Variants in KCNJ4 observed in about 807,000 individuals in gnomAD.
KCNJ4 encodes the protein inward rectifier potassium channel 4.
A neutral mutation model predicts 25.6 loss-of-function variants in KCNJ4; 3 were observed. The observed-to-expected ratio is 0.12, with a 90% CI of 0.05 to 0.30. The LOEUF (loss-of-function observed/expected upper bound fraction) is 0.30, where lower values mean the gene tolerates loss of function less well. Ranked by LOEUF, KCNJ4 falls within the 10% of genes least tolerant of loss-of-function variation. KCNJ4 has a pLI of 1.00. For synonymous variants in KCNJ4, 257 were observed against 283.9 expected (o/e 0.91, Z 0.95); for missense variants, 286 against 666.8 (o/e 0.43, Z 6.29).
At position 38,438,408 on chromosome 22, in the gene KCNJ4, G is replaced by A. The variant is rs535068714; in HGVS notation, c.-39-10237C>T. On this transcript the variant is annotated intron_variant, in intron 1 of 1. Transcript: ENST00000303592. ...CTGTCTCAAAAAAAGAAAGAAAAAG[G>A]GCCTGGTGCGATGGCTCACGCCTGT... 9.3e-4 allele frequency among the ~76,000 whole-genome samples: 140 copies of A among 151,236 alleles called. 1 individual carries two copies. Among genetic ancestry groups the A allele is most frequent in the African/African-American group, 2.0e-3 (82 of 41,160 alleles).
intron 1 of KCNJ4, among the ~76,000 whole-genome samples, chr22:38,445,192 G>A (rs1028572607): frequency 7.9e-5 from 12 of 152,210 alleles, no homozygotes; most frequent in African/African-American, 2.9e-4. Flanking sequence ...AATTTGGCCC[G>A]GCCTGGGATC....
At chr22:38,436,204 A>G (rs1454896586) in intron 1 of KCNJ4, among the ~76,000 whole-genome samples, 1 of 152,244 alleles carries the variant, frequency 6.6e-6, no homozygotes, top group Non-Finnish European at 1.5e-5. Flanking sequence ...AAATGGGATC[A>G]TGCACACCAC....
chr22:38,450,027 G>A (rs533650229), intron 1 of KCNJ4, among the ~76,000 whole-genome samples: 1 of 152,360 alleles, frequency 6.6e-6, no homozygotes, highest in East Asian at 1.9e-4. Flanking sequence ...CAGCTGCAGC[G>A]TCACAAGCAG....
chr22:38,437,076 G>A (rs1236487312), intron 1 of KCNJ4, among the ~76,000 whole-genome samples: 1 of 152,240 alleles, frequency 6.6e-6, no homozygotes, highest in Admixed American at 6.5e-5. Flanking sequence ...CCAAACGCTG[G>A]AGACCAAGCT....
chr22:38,445,266 G>A (rs1364399321), intron 1 of KCNJ4, among the ~76,000 whole-genome samples: 3 of 152,082 alleles, frequency 2.0e-5, no homozygotes, highest in Admixed American at 6.5e-5. Context: ...GTGGTCCACT[G>A]AGCAAGGGAC....
At chr22:38,453,024 C>A (rs1305598570) in intron 1 of KCNJ4, among the ~76,000 whole-genome samples, 1 of 142,104 alleles carries the variant, frequency 7.0e-6, no homozygotes, top group Non-Finnish European at 1.5e-5. Flanking sequence ...CCCCCCTTAG[C>A]ACTCGCCCCC....
At chr22:38,428,733 C>G (rs972648326) in intron 1 of KCNJ4, among the ~76,000 whole-genome samples, 2 of 152,148 alleles carry the variant, frequency 1.3e-5, no homozygotes, top group African/African-American at 4.8e-5. Context: ...TGATCAGGAG[C>G]CACATGTGGT....
At chr22:38,446,594 A>G (rs186926433) in intron 1 of KCNJ4, among the ~76,000 whole-genome samples, 445 of 152,316 alleles carry the variant, frequency 2.9e-3, no homozygotes, top group African/African-American at 9.6e-3. Context: ...AAAGTAGTTC[A>G]TATCAACGAG....
chr22:38,450,885 A>G (rs196092), intron 1 of KCNJ4, among the ~76,000 whole-genome samples: 106,768 of 151,944 alleles, frequency 0.7, 38,335 homozygotes, highest in East Asian at 0.93. Flanking sequence ...CCCCAGCCCC[A>G]GGGAGGAACG....
chr22:38,448,546 T>A (rs1410581925), intron 1 of KCNJ4, among the ~76,000 whole-genome samples: 1 of 152,060 alleles, frequency 6.6e-6, no homozygotes, highest in Admixed American at 6.5e-5. Context: ...ATCTGGGGAT[T>A]TTCTGGGGAG....
chr22:38,450,111 C>T (rs189745288), intron 1 of KCNJ4, among the ~76,000 whole-genome samples: 98 of 152,216 alleles, frequency 6.4e-4, no homozygotes, highest in South Asian at 8.3e-4. Context: ...GCCCACGTAG[C>T]GAGGGGAAGA....
chr22:38,442,742 T>C (rs2089345490), intron 1 of KCNJ4, among the ~76,000 whole-genome samples: 2 of 151,986 alleles, frequency 1.3e-5, no homozygotes, highest in South Asian at 4.2e-4. Flanking sequence ...GCAGAAGCCT[T>C]TCTTTCTTTT....
In KCNJ4 at chr22:38,429,952, G is replaced by A. The variant is rs529299013; in HGVS notation, c.-39-1781C>T. Among the ~76,000 whole-genome samples, 5 of 152,278 alleles carry A rather than the reference G, an allele frequency of 3.3e-5. No individual in the cohort carries two copies. In the South Asian group the frequency reaches 6.2e-4, roughly 19 times the overall value. Reference sequence around the variant, plus strand: ...TCGGTTGCCGCAGCAACCGGTACGCGCCAACGCTATAATTTAGAGATCAAC... The same window carrying A: ...TCGGTTGCCGCAGCAACCGGTACGCACCAACGCTATAATTTAGAGATCAAC... On this transcript the variant is annotated intron_variant, in intron 1 of 1. Coordinates refer to ENST00000303592, the MANE Select transcript of KCNJ4 (RefSeq NM_152868.3).
chr22:38,432,284 T>TAAATAAATAAATAAATAAAA (rs1190324463), intron 1 of KCNJ4, among the ~76,000 whole-genome samples: 3 of 142,106 alleles, frequency 2.1e-5, no homozygotes, highest in African/African-American at 8.3e-5. Flanking sequence ...AATAAATAAA[T>TAAATAAATAAATAAATAAAA]AAAATAAAAT....
intron 1 of KCNJ4, among the ~76,000 whole-genome samples, chr22:38,430,649 C>A (rs972861303): frequency 1.1e-4 from 16 of 152,228 alleles, no homozygotes; most frequent in African/African-American, 3.6e-4. Flanking sequence ...AGCATCCCAG[C>A]AGCCAGGGCT....
intron 1 of KCNJ4, among the ~76,000 whole-genome samples, chr22:38,444,411 G>C (rs1295632882): frequency 6.6e-6 from 1 of 152,348 alleles, no homozygotes; most frequent in Non-Finnish European, 1.5e-5. Flanking sequence ...CAGTGACCAG[G>C]AGACCCTCTG....
chr22:38,448,070 A>AAAAAG (rs1255736655), intron 1 of KCNJ4, among the ~76,000 whole-genome samples: 8 of 150,546 alleles, frequency 5.3e-5, no homozygotes, highest in East Asian at 1.9e-4. Context: ...AAAAAAAAAA[A>AAAAAG]AAAAGAAAAG....
intron 1 of KCNJ4, among the ~76,000 whole-genome samples, 161 bp downstream of exon 1, chr22:38,454,819 G>A (rs1168189070): frequency 3.3e-5 from 5 of 151,868 alleles, no homozygotes; most frequent in South Asian, 2.1e-4. Context: ...GCCCGCTCCC[G>A]GGGAGTCACG....
At chr22:38,436,136 GC>G in intron 1 of KCNJ4, among the ~76,000 whole-genome samples, 1 of 152,272 alleles carries the variant, frequency 6.6e-6, no homozygotes, top group East Asian at 1.9e-4. Context: ...GTCCCTGCAT[GC>G]CCCATCTTTA....
Sources: gnomAD v4.1 joint callset for allele counts (sites outside exome capture counted in the v4.1 genomes callset) on GRCh38, gnomAD v4.1.1 for gene constraint, MANE v1.5 for transcripts, NCBI Gene and HGNC (gene_info 2026-07-23, HGNC 2026-07-21) for gene names.